Variants in CPQ observed in about 807,000 individuals in gnomAD.
The protein encoded by CPQ is Ser-Met dipeptidase.
Under a neutral mutation model 45.7 loss-of-function variants are expected in CPQ, and 37 were observed. That is an observed-to-expected ratio of 0.81 (90% CI 0.62 to 1.07). The LOEUF is 1.07. CPQ is among the 50% of genes least tolerant of loss of function. CPQ has a pLI of 0.00. For missense variants in CPQ, 537 were observed against 572.9 expected (o/e 0.94, Z 0.64); for synonymous variants, 186 against 205.8 (o/e 0.90, Z 0.82).
chr8:96,842,054 A>T (rs886560051), intron 3 of CPQ, among the ~76,000 whole-genome samples: 1 of 152,216 alleles, frequency 6.6e-6, no homozygotes, highest in African/African-American at 2.4e-5. Context: ...GAGATTTCAC[A>T]TGAACATTTT....
At chr8:97,067,909 T>G (rs78102913) in intron 7 of CPQ, among the ~76,000 whole-genome samples, 2,901 of 152,256 alleles carry the variant, frequency 0.019, 98 homozygotes, top group African/African-American at 0.067. Flanking sequence ...AATTCTAGAT[T>G]TTTTCTGAGC....
chr8:96,854,566 G>A (rs546770327), intron 3 of CPQ, among the ~76,000 whole-genome samples: 31 of 128,604 alleles, frequency 2.4e-4, no homozygotes, highest in African/African-American at 7.8e-4. Context: ...AAAATGTGGT[G>A]GAACTAAAAG....
At chr8:96,837,964 A>G (rs1215795785) in intron 3 of CPQ, among the ~76,000 whole-genome samples, 1 of 152,058 alleles carries the variant, frequency 6.6e-6, no homozygotes, top group Non-Finnish European at 1.5e-5. Flanking sequence ...GTCAGCAATC[A>G]CTAACACTTT....
intron 7 of CPQ, among the ~76,000 whole-genome samples, chr8:97,104,912 G>T (rs11993518): frequency 0.095 from 14,443 of 152,222 alleles, 753 homozygotes; most frequent in Non-Finnish European, 0.1. Flanking sequence ...CCACATGTAA[G>T]GAATACTTTT....
intron 1 of CPQ, among the ~76,000 whole-genome samples, chr8:96,650,157 G>T (rs1305344434): frequency 6.6e-6 from 1 of 152,218 alleles, no homozygotes; most frequent in Non-Finnish European, 1.5e-5. Context: ...GAGACAAACA[G>T]GTGTGGGTGC....
At chr8:97,040,475 C>G (rs1810098798) in intron 6 of CPQ, among the ~76,000 whole-genome samples, 2 of 152,046 alleles carry the variant, frequency 1.3e-5, no homozygotes, top group Admixed American at 1.3e-4. Context: ...TGTGCAGAAG[C>G]TCTTTAGTTT....
intron 6 of CPQ, among the ~76,000 whole-genome samples, chr8:97,048,131 G>A (rs951688457): frequency 5.3e-5 from 8 of 152,130 alleles, no homozygotes; most frequent in African/African-American, 4.8e-5. Flanking sequence ...GAGATTTTAC[G>A]TATGTCAGTA....
At chr8:96,889,022 G>A (rs1812339858) in intron 4 of CPQ, among the ~76,000 whole-genome samples, 1 of 152,176 alleles carries the variant, frequency 6.6e-6, no homozygotes, top group Non-Finnish European at 1.5e-5. Flanking sequence ...CTTTCTGGAT[G>A]TAAACATCAG....
Position 96,681,084 on chromosome 8 carries a change from T to G in CPQ, c.-35+35682T>G, listed in dbSNP as rs575466104. On this transcript the variant is annotated intron_variant, in intron 1 of 7. Coordinates refer to ENST00000220763, the MANE Select transcript of CPQ (RefSeq NM_016134.4). ...ACAGAGCATAAAAGTTTGGAAATTT[T>G]GCAGCCTGACAATGCAATAGAAAAG... is the stretch of plus-strand genomic sequence containing the variant. 1.1e-4 allele frequency among the ~76,000 whole-genome samples: 17 copies of G among 152,324 alleles called. No homozygotes were observed. The South Asian group carries it at 1.9e-3, about 17-fold the overall frequency.
chr8:96,767,929 C>T (rs1404284207), intron 1 of CPQ, among the ~76,000 whole-genome samples: 1 of 152,106 alleles, frequency 6.6e-6, no homozygotes, highest in Non-Finnish European at 1.5e-5. Context: ...CAGGTGTGAG[C>T]CACCGTGCCC....
At chr8:97,005,151 G>C (rs1249395989) in intron 5 of CPQ, among the ~76,000 whole-genome samples, 1 of 150,758 alleles carries the variant, frequency 6.6e-6, no homozygotes, top group African/African-American at 2.4e-5. Flanking sequence ...GTGTGATCTC[G>C]GCTCACTGCA....
intron 5 of CPQ, among the ~76,000 whole-genome samples, chr8:97,000,797 G>A (rs759017768): frequency 3.9e-5 from 6 of 152,108 alleles, no homozygotes; most frequent in Non-Finnish European, 8.8e-5. Context: ...TAGTTTAATA[G>A]GCATAGCATT....
rs147687786 is a variant in CPQ, at chr8:96,778,704, A to T, written c.-34-6160A>T. Among the ~76,000 whole-genome samples, 17 of 152,306 alleles carry T rather than the reference A, an allele frequency of 1.1e-4. No individual in the cohort carries two copies. In the East Asian group the frequency reaches 3.1e-3, roughly 28 times the overall value. ...AACACTCAGTTTCTGTTTCAAAGTGATTATATCATTTTAGTATCAAAATTA... is the reference window on the plus strand; with the variant it reads ...AACACTCAGTTTCTGTTTCAAAGTGTTTATATCATTTTAGTATCAAAATTA... On this transcript the variant is annotated intron_variant, in intron 1 of 7. Coordinates refer to ENST00000220763, the MANE Select transcript of CPQ (RefSeq NM_016134.4).
At chr8:96,661,862 A>C (rs1046551787) in intron 1 of CPQ, among the ~76,000 whole-genome samples, 1 of 152,204 alleles carries the variant, frequency 6.6e-6, no homozygotes, top group Non-Finnish European at 1.5e-5. Context: ...AGAAACTGTC[A>C]AACTATTTTC....
chr8:96,661,006 C>T (rs1815695010), intron 1 of CPQ, among the ~76,000 whole-genome samples: 1 of 152,130 alleles, frequency 6.6e-6, no homozygotes. Flanking sequence ...CCAAAGAGGA[C>T]ATATTCTTTA....
At chr8:96,755,154 A>G (rs1409194416) in intron 1 of CPQ, among the ~76,000 whole-genome samples, 1 of 151,994 alleles carries the variant, frequency 6.6e-6, no homozygotes, top group East Asian at 1.9e-4. Context: ...TTGATTTAAA[A>G]ATAGTTCTGT....
intron 1 of CPQ, among the ~76,000 whole-genome samples, chr8:96,655,759 A>C (rs1269851272): frequency 6.6e-6 from 1 of 152,204 alleles, no homozygotes; most frequent in Non-Finnish European, 1.5e-5. Flanking sequence ...ATGCTCCTTG[A>C]CTTACAATGG....
At chr8:96,992,194 T>G (rs570506077) in intron 5 of CPQ, among the ~76,000 whole-genome samples, 27 of 152,316 alleles carry the variant, frequency 1.8e-4, no homozygotes, top group African/African-American at 6.5e-4. Flanking sequence ...TTAGGTACTT[T>G]AGTGACAAAG....
chr8:96,936,732 T>C (rs1430220168), intron 4 of CPQ, among the ~76,000 whole-genome samples: 1 of 152,200 alleles, frequency 6.6e-6, no homozygotes, highest in African/African-American at 2.4e-5. Context: ...TTTCCACATA[T>C]ATGAATGAGA....
Sources: allele counts gnomAD v4.1 joint callset (sites outside exome capture counted in the v4.1 genomes callset), GRCh38; gene constraint gnomAD v4.1.1; transcripts MANE v1.5; gene names NCBI Gene and HGNC (gene_info 2026-07-23, HGNC 2026-07-21).